Variants in CD109 observed in about 807,000 individuals in gnomAD.
CD109 encodes the protein CD109 antigen.
Under a neutral mutation model 165.8 loss-of-function variants are expected in CD109, and 149 were observed. The ratio of observed to expected loss-of-function variants is 0.90; its 90% CI spans 0.79 to 1.03. The LOEUF (loss-of-function observed/expected upper bound fraction) is 1.03, where lower values mean the gene tolerates loss of function less well. Ranked by LOEUF, CD109 falls within the 50% of genes least tolerant of loss-of-function variation. The pLI, the probability that CD109 is intolerant of heterozygous loss-of-function variation, is 0.00. For missense variants in CD109, 1,712 were observed against 1,677.8 expected (o/e 1.02, Z -0.36); for synonymous variants, 585 against 592.1 (o/e 0.99, Z 0.18).
chr6:73,726,536 G>T (rs1463204449), intron 3 of CD109, among the ~76,000 whole-genome samples: 1 of 152,176 alleles, frequency 6.6e-6, no homozygotes, highest in African/African-American at 2.4e-5. Flanking sequence ...TATTCCTGAA[G>T]TATATGAGGA....
At chr6:73,739,228 G>C (rs1772660442) in intron 5 of CD109, among the ~76,000 whole-genome samples, 1 of 152,100 alleles carries the variant, frequency 6.6e-6, no homozygotes, top group Non-Finnish European at 1.5e-5. Context: ...TTTGAGGTAT[G>C]TTAATTTGAG....
chr6:73,709,028 G>T lies in CD109; in HGVS notation c.247+11456G>T, dbSNP rs1336009040. ...AATTAGATCCCATTTGTCAATTTTGGCTTTTGTTGCTATTGCTTTTGGTGT... is the reference window on the plus strand; with the variant it reads ...AATTAGATCCCATTTGTCAATTTTGTCTTTTGTTGCTATTGCTTTTGGTGT... On this transcript the variant is annotated intron_variant, in intron 2 of 32. Transcript: ENST00000287097. Among the ~76,000 whole-genome samples the T allele has an allele frequency of 2.6e-5, 4 of 152,218 alleles. 1 individual carries two copies. In the East Asian group the frequency reaches 5.8e-4, roughly 22 times the overall value.
At position 73,736,419 on chromosome 6, in the gene CD109, C is replaced by A; in HGVS notation, c.544C>A (p.Gln182Lys). 1 of 1,613,884 alleles carries A rather than the reference C, an allele frequency of 6.2e-7. No individual in the cohort carries two copies. Reference sequence around the variant, plus strand: ...AAATTTGATCCAACAGTGGTTGTCACAACAAAGTGATCTTGGAGTCATTTC... The same window carrying A: ...AAATTTGATCCAACAGTGGTTGTCAAAACAAAGTGATCTTGGAGTCATTTC... ...KSNLIQQWLSQQSDLGVISKT... is the reference protein window; with the variant it reads ...KSNLIQQWLSKQSDLGVISKT... The change falls in exon 5 of 33, where the codon CAA becomes AAA. Residue 182 changes from glutamine (Q) to lysine (K), a missense_variant. Gln to Lys is a moderately conservative substitution (Grantham distance 53, BLOSUM62 1). Transcript: ENST00000287097.
intron 23 of CD109, among the ~76,000 whole-genome samples, chr6:73,796,743 T>G (rs760589576): frequency 4.6e-5 from 7 of 152,156 alleles, no homozygotes; most frequent in Non-Finnish European, 8.8e-5. Context: ...CCCCACAGTG[T>G]AGCATGATGA....
chr6:73,803,113 CT>C, intron 23 of CD109, 106 bp from the exon 24 acceptor site: 1 of 744,218 alleles, frequency 1.3e-6, no homozygotes, highest in Non-Finnish European at 2.3e-6. Flanking sequence ...TTGATTTCTT[CT>C]TTCCCCCTCT....
At chr6:73,699,639 G>C (rs561421336) in intron 2 of CD109, among the ~76,000 whole-genome samples, 1 of 152,262 alleles carries the variant, frequency 6.6e-6, no homozygotes, top group East Asian at 1.9e-4. Flanking sequence ...TGGGAGAAGG[G>C]TTCCTTGTAT....
chr6:73,787,348 G>A lies in CD109; in HGVS notation c.2452G>A (p.Val818Ile), dbSNP rs751244784. 2 of 1,614,022 alleles carry A rather than the reference G, an allele frequency of 1.2e-6. No homozygotes were observed. The highest frequency in any genetic ancestry group is 1.1e-5 in the South Asian group (1 of 91,080). ...LLVPSEDGAT[V>I]LFPIRPTHLG... ...GGTTCCCAGTGAGGATGGGGCAACTGTTCTTTTTCCCATCAGGCCAACACA... is the reference window on the plus strand; with the variant it reads ...GGTTCCCAGTGAGGATGGGGCAACTATTCTTTTTCCCATCAGGCCAACACA... Residue 818 changes from valine to isoleucine, a missense_variant, in exon 21 of 33, where the codon GTT (valine) becomes ATT (isoleucine). Val to Ile is a conservative substitution (Grantham distance 29, BLOSUM62 3). Transcript: ENST00000287097.
At chr6:73,730,696 C>A in intron 4 of CD109, 122 bp downstream of exon 4, 1 of 668,496 alleles carries the variant, frequency 1.5e-6, no homozygotes, top group Non-Finnish European at 2.5e-6. Flanking sequence ...AGCTTCCCTC[C>A]CAACATGGAA....
At chr6:73,810,893 G>C in intron 27 of CD109, 99 bp from the exon 28 acceptor site, 1 of 1,167,132 alleles carries the variant, frequency 8.6e-7, no homozygotes, top group South Asian at 1.5e-5. Flanking sequence ...CACTCTGAAG[G>C]AAGGTGTATG....
chr6:73,724,326 A>G (rs1423336363), intron 3 of CD109, among the ~76,000 whole-genome samples: 1 of 152,166 alleles, frequency 6.6e-6, no homozygotes, highest in Non-Finnish European at 1.5e-5. Context: ...TAGAAATGGA[A>G]AGGAGTTATT....
At chr6:73,750,856 A>G (rs1457778133) in intron 5 of CD109, among the ~76,000 whole-genome samples, 5 of 152,170 alleles carry the variant, frequency 3.3e-5, no homozygotes, top group Non-Finnish European at 7.4e-5. Context: ...TTTGGGACGA[A>G]TTCTTCCCTA....
At chr6:73,800,055 C>G (rs1373401742) in intron 23 of CD109, among the ~76,000 whole-genome samples, 4 of 151,918 alleles carry the variant, frequency 2.6e-5, no homozygotes, top group Admixed American at 1.3e-4. Flanking sequence ...AGGCTTTTGT[C>G]ATATTGCCCA....
At chr6:73,754,845 A>C (rs555377761) in intron 5 of CD109, among the ~76,000 whole-genome samples, 4 of 152,210 alleles carry the variant, frequency 2.6e-5, no homozygotes, top group South Asian at 2.1e-4. Context: ...AACACAGTGC[A>C]TGAAACCCCA....
chr6:73,714,661 G>A (rs2150159427), intron 2 of CD109, among the ~76,000 whole-genome samples: 1 of 152,304 alleles, frequency 6.6e-6, no homozygotes. Flanking sequence ...GACATGAGTT[G>A]GGAAAGTCTT....
intron 32 of CD109, 125 bp downstream of exon 32, chr6:73,820,688 G>C: frequency 1.9e-6 from 1 of 522,728 alleles, no homozygotes; most frequent in Non-Finnish European, 3.4e-6. Flanking sequence ...GAAAGTACAG[G>C]AGGCGGGGGG....
chr6:73,776,618 T>C (rs2351527), intron 15 of CD109, among the ~76,000 whole-genome samples: 53,319 of 141,108 alleles, frequency 0.38, 10,339 homozygotes, highest in African/African-American at 0.46. Context: ...AGTGCAGTGA[T>C]GTGATCTTGG....
chr6:73,731,858 G>A (rs1562035661), intron 4 of CD109, among the ~76,000 whole-genome samples: 1 of 152,168 alleles, frequency 6.6e-6, no homozygotes, highest in Non-Finnish European at 1.5e-5. Flanking sequence ...ACTGTGTCTG[G>A]CACATAGTAC....
At chr6:73,762,714 A>G (rs764634866) in intron 8 of CD109, 27 bp from the exon 9 acceptor site, 10 of 1,560,994 alleles carry the variant, frequency 6.4e-6, no homozygotes, top group Admixed American at 1.8e-5. Flanking sequence ...AAAATGGTAA[A>G]TAATACTGAA....
chr6:73,712,995 A>G (rs578200566), intron 2 of CD109, among the ~76,000 whole-genome samples: 1 of 152,326 alleles, frequency 6.6e-6, no homozygotes, highest in South Asian at 2.1e-4. Flanking sequence ...AAATGTTCAC[A>G]ACAGTTTGCA....
Sources: gnomAD v4.1 joint callset for allele counts (sites outside exome capture counted in the v4.1 genomes callset) on GRCh38, gnomAD v4.1.1 for gene constraint, MANE v1.5 for transcripts, NCBI Gene and HGNC (gene_info 2026-07-23, HGNC 2026-07-21) for gene names.